NGF: variants seen among roughly 807,000 people sequenced by gnomAD.
NGF encodes the protein nerve growth factor, also known as beta-nerve growth factor.
In NGF, 4 loss-of-function variants were observed where a neutral mutation model predicts 12.8. The observed-to-expected ratio is 0.31, with a 90% CI of 0.15 to 0.72. The LOEUF is 0.72. Among genes scored for constraint, NGF ranks in the 30% least tolerant of loss-of-function variants. The pLI is 0.69. For synonymous variants in NGF, 140 were observed against 130.0 expected, an observed-to-expected ratio of 1.08 and a Z score of -0.52; for missense variants, 283 against 330.8, an observed-to-expected ratio of 0.86 and a Z score of 1.12.
At chr1:115,327,087 C>A (rs1654797879) in intron 1 of NGF, among the ~76,000 whole-genome samples, 1 of 152,142 alleles carries the variant, frequency 6.6e-6, no homozygotes, top group Non-Finnish European at 1.5e-5. Flanking sequence ...TTATTTCTTA[C>A]ATAATAACTT....
At chr1:115,289,906 GTATTT>G (rs1222987544) in intron 2 of NGF, among the ~76,000 whole-genome samples, 1 of 152,084 alleles carries the variant, frequency 6.6e-6, no homozygotes, top group Non-Finnish European at 1.5e-5. Flanking sequence ...TCTTGAAACT[GTATTT>G]TATCTTCCAT....
chr1:115,333,499 TAA>T (rs34024301), intron 1 of NGF, among the ~76,000 whole-genome samples: 14 of 76,588 alleles, frequency 1.8e-4, no homozygotes, highest in South Asian at 5.7e-4. Context: ...ATAGTACTAC[TAA>T]AAAAAAAAAA....
chr1:115,310,972 G>T (rs1252837871), intron 1 of NGF, among the ~76,000 whole-genome samples: 1 of 152,138 alleles, frequency 6.6e-6, no homozygotes, highest in Non-Finnish European at 1.5e-5. Context: ...CATTATACTA[G>T]AAGCTTTTCA....
chr1:115,327,576 G>A lies in NGF; in HGVS notation c.-137+10628C>T, dbSNP rs143023850. ...AAAGGAAAGGTAATTCGTTTCATGC[G>A]TAAGAAACATTCTTAGTGGTGTGTC... On this transcript the variant is annotated intron_variant, in intron 1 of 2. Coordinates refer to ENST00000369512, the MANE Select transcript of NGF (RefSeq NM_002506.3). Among the ~76,000 whole-genome samples, 429 of 152,308 alleles carry A rather than the reference G, an allele frequency of 2.8e-3. 2 individuals carry two copies. Among genetic ancestry groups the A allele is most frequent in the African/African-American group, 9.6e-3 (397 of 41,558 alleles).
In NGF at chr1:115,291,236, A is replaced by T. The variant is rs566657807; in HGVS notation, c.-13+2391T>A. Among the ~76,000 whole-genome samples, 814 of 152,330 alleles carry T rather than the reference A, an allele frequency of 5.3e-3. 10 individuals are homozygous for T. The highest frequency in any genetic ancestry group is 0.018 in the African/African-American group (757 of 41,576). On this transcript the variant is annotated intron_variant, in intron 2 of 2. Transcript: ENST00000369512. Reference sequence around the variant, plus strand: ...GTGTTCCTATAAACTTTTAAGTTTAAAAAAAAACTCTCTTAAAAGTGATCA... The same window carrying T: ...GTGTTCCTATAAACTTTTAAGTTTATAAAAAAACTCTCTTAAAAGTGATCA...
At chr1:115,326,741 T>A (rs530134823) in intron 1 of NGF, among the ~76,000 whole-genome samples, 1 of 152,238 alleles carries the variant, frequency 6.6e-6, no homozygotes, top group South Asian at 2.1e-4. Flanking sequence ...CCAGGGCAAG[T>A]GACTGTCAAG....
intron 1 of NGF, among the ~76,000 whole-genome samples, chr1:115,318,495 G>GAAGGAGGAAGCAAGACCTGGGAGGGGGC (rs1358173497): frequency 6.6e-6 from 1 of 152,194 alleles, no homozygotes; most frequent in Non-Finnish European, 1.5e-5. Flanking sequence ...AGCATAGGGC[G>GAAGGAGGAAGCAAGACCTGGGAGGGGGC]AAGGAGGAAG....
At chr1:115,286,838 A>G (rs991384080) in intron 2 of NGF, 31 bp from the exon 3 acceptor site, 54 of 1,613,264 alleles carry the variant, frequency 3.3e-5, no homozygotes, top group Non-Finnish European at 4.2e-5. Context: ...GGGTGACTTC[A>G]TGGAGTACTA....
intron 1 of NGF, among the ~76,000 whole-genome samples, chr1:115,303,207 G>A: frequency 6.6e-6 from 1 of 152,176 alleles, no homozygotes; most frequent in East Asian, 1.9e-4. Context: ...CACATGTGAT[G>A]TTTATGGGCA....
intron 1 of NGF, among the ~76,000 whole-genome samples, chr1:115,332,980 T>C (rs1571100275): frequency 6.6e-6 from 1 of 152,138 alleles, no homozygotes; most frequent in African/African-American, 2.4e-5. Context: ...CAAAAATGGG[T>C]TGGCATTTCA....
At chr1:115,301,228 G>T (rs920544660) in intron 1 of NGF, among the ~76,000 whole-genome samples, 3 of 152,076 alleles carry the variant, frequency 2.0e-5, no homozygotes, top group African/African-American at 7.2e-5. Context: ...CCAGAACATT[G>T]TGAGTAATTA....
At chr1:115,318,282 A>T (rs2101045839) in intron 1 of NGF, among the ~76,000 whole-genome samples, 1 of 152,338 alleles carries the variant, frequency 6.6e-6, no homozygotes, top group African/African-American at 2.4e-5. Flanking sequence ...CAACCTGCAC[A>T]GCTTTAATGG....
chr1:115,310,792 G>T (rs1451150823), intron 1 of NGF, among the ~76,000 whole-genome samples: 1 of 145,078 alleles, frequency 6.9e-6, no homozygotes, highest in Non-Finnish European at 1.5e-5. Context: ...GCTATGGAAA[G>T]AAAAATAGGA....
In NGF at chr1:115,286,019, A is replaced by T; in HGVS notation, c.*51T>A. On this transcript the variant is annotated 3_prime_UTR_variant, in exon 3 of 3. Transcript: ENST00000369512. Reference sequence around the variant, plus strand: ...AAATAATTTACAGGTTGAGGTAGGGAGGGGCCCAGGAGAGTGTAGAAGGGG... The same window carrying T: ...AAATAATTTACAGGTTGAGGTAGGGTGGGGCCCAGGAGAGTGTAGAAGGGG... 1 of 1,589,804 alleles carries T rather than the reference A, an allele frequency of 6.3e-7. No individual in the cohort carries two copies. Among genetic ancestry groups the T allele is most frequent in the African/African-American group, 1.3e-5 (1 of 74,232 alleles).
At chr1:115,330,341 T>C (rs1033363490) in intron 1 of NGF, among the ~76,000 whole-genome samples, 3 of 152,232 alleles carry the variant, frequency 2.0e-5, no homozygotes, top group Non-Finnish European at 2.9e-5. Flanking sequence ...TTTTAGGCAA[T>C]TGATGTATGC....
At chr1:115,329,055 T>A (rs1484091147) in intron 1 of NGF, among the ~76,000 whole-genome samples, 2 of 147,264 alleles carry the variant, frequency 1.4e-5, no homozygotes, top group Non-Finnish European at 3.0e-5. Flanking sequence ...GAGGAAGAGG[T>A]AGAAGAGGAA....
intron 2 of NGF, among the ~76,000 whole-genome samples, chr1:115,291,570 T>G (rs17033622): frequency 0.047 from 7,104 of 152,272 alleles, 216 homozygotes; most frequent in African/African-American, 0.077. Context: ...GAATGGAAGA[T>G]CCATGACTAA....
intron 1 of NGF, among the ~76,000 whole-genome samples, chr1:115,334,127 T>G (rs187929678): frequency 1.3e-5 from 2 of 152,322 alleles, no homozygotes; most frequent in Non-Finnish European, 2.9e-5. Context: ...AGTGTAGTGT[T>G]GCTAGCCTAC....
At chr1:115,317,706 C>G (rs1654508741) in intron 1 of NGF, among the ~76,000 whole-genome samples, 1 of 152,150 alleles carries the variant, frequency 6.6e-6, no homozygotes, top group African/African-American at 2.4e-5. Context: ...GTCAGGAGAC[C>G]TTAGTCAAGT....
Sources: allele counts gnomAD v4.1 joint callset (sites outside exome capture counted in the v4.1 genomes callset), GRCh38; gene constraint gnomAD v4.1.1; transcripts MANE v1.5; gene names NCBI Gene and HGNC (gene_info 2026-07-23, HGNC 2026-07-21).